KCNIP4: variants seen among roughly 807,000 people sequenced by gnomAD.
The protein encoded by KCNIP4 is Kv channel-interacting protein 4.
Under a neutral mutation model 34.0 loss-of-function variants are expected in KCNIP4, and 12 were observed. That is an observed-to-expected ratio of 0.35 (90% CI 0.23 to 0.57). KCNIP4 has a LOEUF of 0.57. Among genes scored for constraint, KCNIP4 ranks in the 20% least tolerant of loss-of-function variants. KCNIP4 has a pLI of 0.83. For missense variants in KCNIP4, 238 were observed against 311.7 expected, an observed-to-expected ratio of 0.76 and a Z score of 1.78; for synonymous variants, 124 against 102.2, an observed-to-expected ratio of 1.21 and a Z score of -1.29.
In KCNIP4 at chr4:21,171,073, T is replaced by C. The variant is rs913099675; in HGVS notation, c.62-288364A>G. 5.9e-5 allele frequency among the ~76,000 whole-genome samples: 9 copies of C among 152,222 alleles called. No individual in the cohort carries two copies. In the East Asian group the frequency reaches 1.2e-3, roughly 20 times the overall value. ...TCAGTTGCTCTCAACAACTGAGATATTGACTGACTCAAGTTTGAGTTACAA... is the reference window on the plus strand; with the variant it reads ...TCAGTTGCTCTCAACAACTGAGATACTGACTGACTCAAGTTTGAGTTACAA... On this transcript the variant is annotated intron_variant, in intron 1 of 8. Coordinates refer to ENST00000382152, the MANE Select transcript of KCNIP4 (RefSeq NM_025221.6).
At chr4:20,825,838 T>C (rs761383732) in intron 3 of KCNIP4, among the ~76,000 whole-genome samples, 5 of 152,108 alleles carry the variant, frequency 3.3e-5, no homozygotes, top group Non-Finnish European at 7.4e-5. Context: ...AATGAAACCC[T>C]TGAAGATGAA....
chr4:20,780,556 G>C (rs546797373), intron 3 of KCNIP4, among the ~76,000 whole-genome samples: 1 of 152,250 alleles, frequency 6.6e-6, no homozygotes, highest in South Asian at 2.1e-4. Flanking sequence ...TCTTACTTCA[G>C]GAACTGCCAA....
chr4:21,766,036 T>C (rs1718395990), intron 1 of KCNIP4, among the ~76,000 whole-genome samples: 1 of 152,046 alleles, frequency 6.6e-6, no homozygotes, highest in Non-Finnish European at 1.5e-5. Flanking sequence ...TAGATTTCTC[T>C]TCCCTTGGCT....
intron 1 of KCNIP4, among the ~76,000 whole-genome samples, chr4:21,215,103 T>A (rs946237632): frequency 6.6e-6 from 1 of 152,198 alleles, no homozygotes; most frequent in Non-Finnish European, 1.5e-5. Context: ...CATTCACAAA[T>A]TAATTGGAGT....
chr4:21,901,443 C>A (rs1727699911), intron 1 of KCNIP4, among the ~76,000 whole-genome samples: 1 of 152,124 alleles, frequency 6.6e-6, no homozygotes, highest in South Asian at 2.1e-4. Context: ...TTGACACAAG[C>A]AATGTGTAGT....
chr4:21,377,926 G>C (rs1721114465), intron 1 of KCNIP4, among the ~76,000 whole-genome samples: 1 of 152,164 alleles, frequency 6.6e-6, no homozygotes, highest in South Asian at 2.1e-4. Flanking sequence ...TTGATCAGGT[G>C]GTGTTTCACT....
chr4:21,898,836 A>C (rs918880316), intron 1 of KCNIP4, among the ~76,000 whole-genome samples: 3 of 152,174 alleles, frequency 2.0e-5, no homozygotes, highest in Non-Finnish European at 2.9e-5. Flanking sequence ...AGCAACAAGT[A>C]CACTCATGTG....
At chr4:21,525,655 A>ATAAT in intron 1 of KCNIP4, among the ~76,000 whole-genome samples, 1 of 152,160 alleles carries the variant, frequency 6.6e-6, no homozygotes, top group East Asian at 1.9e-4. Flanking sequence ...CACTAGGGTA[A>ATAAT]TAATTATTGT....
chr4:21,646,862 G>T (rs1722581274), intron 1 of KCNIP4, among the ~76,000 whole-genome samples: 1 of 152,122 alleles, frequency 6.6e-6, no homozygotes, highest in African/African-American at 2.4e-5. Context: ...AAATCAGGGA[G>T]TCATTATTTA....
intron 1 of KCNIP4, among the ~76,000 whole-genome samples, chr4:20,950,533 C>G (rs764090942): frequency 6.6e-6 from 1 of 152,100 alleles, no homozygotes; most frequent in African/African-American, 2.4e-5. Flanking sequence ...CCCCAAGCCA[C>G]TGAGAAGAGA....
chr4:21,927,308 C>T (rs759217312), intron 1 of KCNIP4, among the ~76,000 whole-genome samples: 10 of 152,038 alleles, frequency 6.6e-5, no homozygotes, highest in Non-Finnish European at 1.2e-4. Flanking sequence ...CCATTTGAGG[C>T]GACATATTCA....
intron 1 of KCNIP4, among the ~76,000 whole-genome samples, chr4:21,141,729 G>T (rs1167143101): frequency 1.3e-5 from 2 of 152,036 alleles, no homozygotes; most frequent in Non-Finnish European, 2.9e-5. Context: ...CAATGTAAAA[G>T]AAATGATGCA....
intron 1 of KCNIP4, among the ~76,000 whole-genome samples, chr4:21,812,832 T>G (rs2109273277): frequency 6.6e-6 from 1 of 152,320 alleles, no homozygotes; most frequent in South Asian, 2.1e-4. Context: ...GTTTACCTAC[T>G]GTCTCACCCA....
At chr4:21,773,745 G>GTTTTTTTTTTTT (rs55701942) in intron 1 of KCNIP4, among the ~76,000 whole-genome samples, 1 of 115,424 alleles carries the variant, frequency 8.7e-6, no homozygotes, top group East Asian at 2.2e-4. Context: ...TTTTTTTGTT[G>GTTTTTTTTTTTT]TTTTTTTTTT....
chr4:21,165,721 A>G (rs1335136684), intron 1 of KCNIP4, among the ~76,000 whole-genome samples: 1 of 152,202 alleles, frequency 6.6e-6, no homozygotes, highest in African/African-American at 2.4e-5. Context: ...GGTCTTTTAA[A>G]GACACTGACA....
chr4:21,529,971 T>C (rs1736536700), intron 1 of KCNIP4, among the ~76,000 whole-genome samples: 2 of 152,314 alleles, frequency 1.3e-5, no homozygotes, highest in South Asian at 4.1e-4. Context: ...TCTGTCATCA[T>C]TCCACTATGT....
chr4:21,709,989 T>TAGATTAAATTGGATAGG (rs1253900132), intron 1 of KCNIP4, among the ~76,000 whole-genome samples: 1 of 152,192 alleles, frequency 6.6e-6, no homozygotes, highest in Non-Finnish European at 1.5e-5. Context: ...ATGCAACTTT[T>TAGATTAAATTGGATAGG]AGATTAAATT....
intron 1 of KCNIP4, among the ~76,000 whole-genome samples, chr4:21,574,185 G>A (rs1740566303): frequency 6.6e-6 from 1 of 152,050 alleles, no homozygotes; most frequent in Non-Finnish European, 1.5e-5. Flanking sequence ...AAATGGTGGT[G>A]TCTTAGATTA....
At chr4:21,291,862 AAAAAAAAAG>A (rs1211836666) in intron 1 of KCNIP4, among the ~76,000 whole-genome samples, 31 of 115,910 alleles carry the variant, frequency 2.7e-4, no homozygotes, top group African/African-American at 1.1e-3. Context: ...TCAAAAAAAA[AAAAAAAAAG>A]AAAGAAAGAA....
Sources: allele counts gnomAD v4.1 joint callset (sites outside exome capture counted in the v4.1 genomes callset), GRCh38; gene constraint gnomAD v4.1.1; transcripts MANE v1.5; gene names NCBI Gene and HGNC (gene_info 2026-07-23, HGNC 2026-07-21).